The following CD209 variants were observed in gnomAD, a reference collection of about 807,000 sequenced individuals.
The protein encoded by CD209 is CD209 antigen.
A neutral mutation model predicts 44.7 loss-of-function variants in CD209; 31 were observed. The ratio of observed to expected loss-of-function variants is 0.69; its 90% CI spans 0.52 to 0.94. The LOEUF (loss-of-function observed/expected upper bound fraction) is 0.94, where lower values mean the gene tolerates loss of function less well. CD209 is among the 40% of genes least tolerant of loss of function. The probability of loss-of-function intolerance (pLI) is 0.00; values close to 1 mark genes in which losing one functional copy is unlikely to be tolerated. For missense variants in CD209, 407 were observed against 452.4 expected, an observed-to-expected ratio of 0.90 and a Z score of 0.91; for synonymous variants, 173 against 181.3, an observed-to-expected ratio of 0.95 and a Z score of 0.37.
At chr19:7,745,200 C>A in intron 4 of CD209, 108 bp from the exon 5 acceptor site, 2 of 1,429,454 alleles carry the variant, frequency 1.4e-6, no homozygotes, top group Non-Finnish European at 1.9e-6. Flanking sequence ...TGACTGTCCA[C>A]GCCGGGTAGA....
At chr19:7,744,244 A>T (rs774633210) in intron 5 of CD209, 25 bp from the exon 6 acceptor site, 5 of 1,551,344 alleles carry the variant, frequency 3.2e-6, no homozygotes. Flanking sequence ...AGGAGTCAGG[A>T]GGGAGCTCTG....
rs1956472098 is a variant in CD209 at position 7,741,334 on chromosome 19, G to T, written c.*1705C>A. The stretch of plus-strand genomic sequence containing the variant: ...AAAATACAAGAATTAGCTGGGCGCA[G>T]TGGTGCACGCCCAGCTAATTTTTGT... On this transcript the variant is annotated 3_prime_UTR_variant, in exon 7 of 7. Transcript: ENST00000315599. 3.6e-6 allele frequency: 1 copy of T among 280,014 alleles called. No homozygotes were observed. The allele number at this position is 280,014 out of a possible 1,614,324, so 17.3% of individuals were successfully genotyped here. A position where few individuals can be genotyped will look rare whatever the true frequency, so the allele number is the denominator to read the frequency against.
rs1219386325 is a variant in CD209 at position 7,740,391 on chromosome 19, G to C, written c.*2648C>G. The C allele has an allele frequency of 1.7e-6, 1 of 585,172 alleles. No individual in the cohort carries two copies. The highest frequency in any genetic ancestry group is 3.1e-6 in the Non-Finnish European group (1 of 319,246). 36.2% of individuals were successfully genotyped at this position (585,172 alleles called of 1,614,324 possible). A position where few individuals can be genotyped will look rare whatever the true frequency, so the allele number is the denominator to read the frequency against. On this transcript the variant is annotated 3_prime_UTR_variant, in exon 7 of 7. Transcript: ENST00000315599. ...AGTTGAACCAGATTGGGCTGAATCTGCGGTTACAATGTTTACCAGTTTATT... is the reference window on the plus strand; with the variant it reads ...AGTTGAACCAGATTGGGCTGAATCTCCGGTTACAATGTTTACCAGTTTATT...
rs7252229 is a variant in CD209, at chr19:7,747,295, G to C, written c.106+11C>G. On this transcript the variant is annotated intron_variant, in intron 2 of 6. Transcript: ENST00000315599. ...CTCGTCTCTCCTCCCAAACTGCTAA[G>C]TCCTCTCTACCTGCTAAGCTCTTGT... 0.14 allele frequency: 233,939 copies of C among 1,613,510 alleles called. 20,192 individuals carry two copies. Among genetic ancestry groups the C allele is most frequent in the African/African-American group, 0.41 (30,565 of 74,916 alleles).
chr19:7,741,176 A>T lies in CD209; in HGVS notation c.*1863T>A. On this transcript the variant is annotated 3_prime_UTR_variant, in exon 7 of 7. Coordinates refer to ENST00000315599, the MANE Select transcript of CD209 (RefSeq NM_021155.4). ...TGTGAGGATGTGCTGCCCGAGTTCA[A>T]GAACGTGGGGAGAGACTGGGCGCGG... 1.0e-6 allele frequency: 1 copy of T among 965,390 alleles called. No homozygotes were observed. The highest frequency in any genetic ancestry group is 1.6e-5 in the African/African-American group (1 of 61,570). The allele number at this position is 965,390 out of a possible 1,614,324, so 59.8% of individuals were successfully genotyped here.
chr19:7,741,714 G>A lies in CD209; in HGVS notation c.*1325C>T, dbSNP rs1182659193. On this transcript the variant is annotated 3_prime_UTR_variant, in exon 7 of 7. Transcript: ENST00000315599. ...GCTCGGTGGAAAATGATGATTTGTG[G>A]TTTATTTGAAATACAACAATGTCCA... 2 of 680,872 alleles carry A rather than the reference G, an allele frequency of 2.9e-6. No homozygotes were observed. The highest frequency in any genetic ancestry group is 5.3e-6 in the Non-Finnish European group (2 of 377,016). 42.2% of individuals were successfully genotyped at this position (680,872 alleles called of 1,614,324 possible). A position where few individuals can be genotyped will look rare whatever the true frequency, so the allele number is the denominator to read the frequency against.
chr19:7,746,476 A>G lies in CD209; in HGVS notation c.162T>C (p.Ala54=). The G allele has an allele frequency of 6.2e-7, 1 of 1,613,706 alleles. No homozygotes were observed. The highest frequency in any genetic ancestry group is 8.5e-7 in the Non-Finnish European group (1 of 1,179,722). Residue 54 remains alanine, a synonymous_variant, in exon 3 of 7, where the codon GCT becomes GCC. Transcript: ENST00000315599. The part of the protein sequence containing the change: ...VLQLLSFTLL[A]GLLVQVSKVP... ...GCCCCTGACCTTGGACAAGGAGCCC[A>G]GCCAAGAGCGTGAAGGAGAGGAGTT...
intron 4 of CD209, 74 bp downstream of exon 4, chr19:7,745,444 G>T: frequency 1.2e-6 from 2 of 1,610,526 alleles, no homozygotes. Context: ...CTCAGGCAGG[G>T]TCAGTGACTC....
chr19:7,741,529 T>C lies in CD209; in HGVS notation c.*1510A>G, dbSNP rs766190869. ...TAATTAAAAAATAACGTGGGGAGAG[T>C]GATTCAGTTCAAGGTCAGTTGCAAC... On this transcript the variant is annotated 3_prime_UTR_variant, in exon 7 of 7. Transcript: ENST00000315599. 1.3e-4 allele frequency: 76 copies of C among 589,646 alleles called. 1 individual carries two copies. The highest frequency in any genetic ancestry group is 2.1e-4 in the Non-Finnish European group (64 of 303,868). 36.5% of individuals were successfully genotyped at this position (589,646 alleles called of 1,614,324 possible). A position where few individuals can be genotyped will look rare whatever the true frequency, so the allele number is the denominator to read the frequency against.
chr19:7,741,324 G>C lies in CD209; in HGVS notation c.*1715C>G. ...GTCTCTACCAAAAATACAAGAATTA[G>C]CTGGGCGCAGTGGTGCACGCCCAGC... On this transcript the variant is annotated 3_prime_UTR_variant, in exon 7 of 7. Transcript: ENST00000315599. 2.9e-6 allele frequency: 1 copy of C among 343,822 alleles called. No homozygotes were observed. The allele number at this position is 343,822 out of a possible 1,614,324, so 21.3% of individuals were successfully genotyped here. A position where few individuals can be genotyped will look rare whatever the true frequency, so the allele number is the denominator to read the frequency against.
chr19:7,747,279 C>T lies in CD209; in HGVS notation c.106+27G>A, dbSNP rs369693201. Reference sequence around the variant, plus strand: ...AGGAGTCCAGGAGTCTCTCGTCTCTCCTCCCAAACTGCTAAGTCCTCTCTA... The same window carrying T: ...AGGAGTCCAGGAGTCTCTCGTCTCTTCTCCCAAACTGCTAAGTCCTCTCTA... On this transcript the variant is annotated intron_variant, in intron 2 of 6. Transcript: ENST00000315599. The T allele has an allele frequency of 3.8e-5, 61 of 1,613,414 alleles. No homozygotes were observed. In the African/African-American group the frequency reaches 5.5e-4, roughly 14 times the overall value.
Position 7,741,895 on chromosome 19 carries a change from T to C in CD209, c.*1144A>G, listed in dbSNP as rs945291789. 1.1e-5 allele frequency: 5 copies of C among 441,992 alleles called. No homozygotes were observed. Among genetic ancestry groups the C allele is most frequent in the Non-Finnish European group, 2.2e-5 (5 of 225,124 alleles). 27.4% of individuals were successfully genotyped at this position (441,992 alleles called of 1,614,324 possible). ...GGAAGGAGAACCCTAGTCCAGACCATTCCTACAAAAGAAATGGGGAATCCG... is the reference window on the plus strand; with the variant it reads ...GGAAGGAGAACCCTAGTCCAGACCACTCCTACAAAAGAAATGGGGAATCCG... On this transcript the variant is annotated 3_prime_UTR_variant, in exon 7 of 7. Coordinates refer to ENST00000315599, the MANE Select transcript of CD209 (RefSeq NM_021155.4).
intron 2 of CD209, 59 bp from the exon 3 acceptor site, chr19:7,746,590 G>A: frequency 6.4e-7 from 1 of 1,560,002 alleles, no homozygotes; most frequent in Non-Finnish European, 8.8e-7. Flanking sequence ...GGCCCAGGGA[G>A]AGCCTGGTCT....
At position 7,745,018 on chromosome 19, in the gene CD209, G is replaced by A. The variant is rs562144201; in HGVS notation, c.823C>T (p.Arg275Trp). 120 of 1,614,180 alleles carry A rather than the reference G, an allele frequency of 7.4e-5. No homozygotes were observed. The highest frequency in any genetic ancestry group is 1.9e-4 in the South Asian group (17 of 91,082). Reference protein sequence around the residue: ...GNCYFMSNSQRNWHDSITACK... With the variant: ...GNCYFMSNSQWNWHDSITACK... ...GCGGTGATGGAGTCGTGCCAGTTCC[G>A]CTGGGAGTTAGACATGAAGTAACAG... The change falls in exon 5 of 7, where the codon CGG becomes TGG. Residue 275 changes from arginine (R) to tryptophan (W), a missense_variant. Arg to Trp is a moderately radical substitution (Grantham distance 101). Around this residue, in one of 3 missense-constraint regions of CD209, gnomAD observed 200 missense variants for 202.2 expected, o/e 0.99. Coordinates refer to ENST00000315599, the MANE Select transcript of CD209 (RefSeq NM_021155.4).
Position 7,743,153 on chromosome 19 carries a change from G to T in CD209, c.1101C>A (p.Asp367Glu). 1 of 1,614,130 alleles carries T rather than the reference G, an allele frequency of 6.2e-7. No individual in the cohort carries two copies. Among genetic ancestry groups the T allele is most frequent in the Non-Finnish European group, 8.5e-7 (1 of 1,179,982 alleles). Residue 367 changes from aspartate (D) to glutamate (E), a missense_variant, in exon 7 of 7, where the codon GAC becomes GAA. Around this residue, in one of 3 missense-constraint regions of CD209, gnomAD observed 200 missense variants for 202.2 expected, o/e 0.99. Transcript: ENST00000315599. ...TCCAGAATTTGGCAAGATTACATTT[G>T]TCGTCGTTCCAGCCATTGCCACTAA... is the stretch of plus-strand genomic sequence containing the variant. Reference protein sequence around the residue: ...AEFSGNGWNDDKCNLAKFWIC... With the variant: ...AEFSGNGWNDEKCNLAKFWIC...
At chr19:7,744,351 C>T in intron 5 of CD209, 132 bp from the exon 6 acceptor site, 1 of 667,032 alleles carries the variant, frequency 1.5e-6, no homozygotes, top group East Asian at 2.7e-5. Flanking sequence ...CCTGAGCCCC[C>T]TCGTGTCTGA....
intron 3 of CD209, 128 bp downstream of exon 3, chr19:7,746,332 C>T: frequency 8.7e-7 from 1 of 1,148,608 alleles, no homozygotes; most frequent in Non-Finnish European, 1.3e-6. Flanking sequence ...GGAGAGGCCC[C>T]TACAGACCCC....
At position 7,747,447 on chromosome 19, in the gene CD209, C is replaced by T. The variant is rs1421801569; in HGVS notation, c.46+19G>A. 5 of 1,614,108 alleles carry T rather than the reference C, an allele frequency of 3.1e-6. No individual in the cohort carries two copies. Among genetic ancestry groups the T allele is most frequent in the East Asian group, 4.5e-5 (2 of 44,894 alleles). ...CCCTTCCCCCTTCCCAGAATCCCAG[C>T]GTCCCAACCCAGCCTCACCCAGGAG... is the stretch of plus-strand genomic sequence containing the variant. On this transcript the variant is annotated intron_variant, in intron 1 of 6. Coordinates refer to ENST00000315599, the MANE Select transcript of CD209 (RefSeq NM_021155.4).
Position 7,741,030 on chromosome 19 carries a change from C to T in CD209, c.*2009G>A, listed in dbSNP as rs1314600853. The T allele has an allele frequency of 5.3e-6, 4 of 748,252 alleles. No homozygotes were observed. Among genetic ancestry groups the T allele is most frequent in the Non-Finnish European group, 9.5e-6 (4 of 422,842 alleles). 46.4% of individuals were successfully genotyped at this position (748,252 alleles called of 1,614,324 possible). ...ATGATTTCCCAACATCCAGTCCTAC[C>T]CTTCTTATTAAAAGCATGTTTACAG... On this transcript the variant is annotated 3_prime_UTR_variant, in exon 7 of 7. Coordinates refer to ENST00000315599, the MANE Select transcript of CD209 (RefSeq NM_021155.4).
Sources: gnomAD v4.1 joint callset for allele counts on GRCh38, gnomAD v4.1.1 for gene constraint, gnomAD v4.1.1 regional missense constraint, MANE v1.5 for transcripts, NCBI Gene and HGNC (gene_info 2026-07-23, HGNC 2026-07-21) for gene names.